NECTIN3: variants seen among roughly 807,000 people sequenced by gnomAD.
NECTIN3 encodes nectin-3.
A neutral mutation model predicts 49.4 loss-of-function variants in NECTIN3; 8 were observed. The observed-to-expected ratio is 0.16, with a 90% CI of 0.10 to 0.29. The LOEUF (loss-of-function observed/expected upper bound fraction) is 0.29, where lower values mean the gene tolerates loss of function less well. NECTIN3 is among the 10% of genes least tolerant of loss of function. NECTIN3 has a pLI of 1.00. For missense variants in NECTIN3, 581 were observed against 654.6 expected, an observed-to-expected ratio of 0.89 and a Z score of 1.23; for synonymous variants, 277 against 241.1, an observed-to-expected ratio of 1.15 and a Z score of -1.38.
intron 1 of NECTIN3, among the ~76,000 whole-genome samples, chr3:111,094,584 C>G (rs1183413539): frequency 6.6e-6 from 1 of 152,086 alleles, no homozygotes; most frequent in Non-Finnish European, 1.5e-5. Flanking sequence ...ATAAAGGATA[C>G]CAAGCACAAT....
intron 7 of NECTIN3, among the ~76,000 whole-genome samples, chr3:111,157,253 G>A (rs926752342): frequency 1.1e-4 from 16 of 152,166 alleles, no homozygotes; most frequent in Non-Finnish European, 1.6e-4. Context: ...ATTTACTAAT[G>A]TGTCACAACT....
chr3:111,182,016 G>C lies in NECTIN3; in HGVS notation c.1222-10335G>C, dbSNP rs888613979. ...CAAAGTTTCCTTTGAGCACTTCTTTGTTTGAAATTATGCAAACTTTGGCTT... is the reference window on the plus strand; with the variant it reads ...CAAAGTTTCCTTTGAGCACTTCTTTCTTTGAAATTATGCAAACTTTGGCTT... On this transcript the variant is annotated intron_variant, in intron 7 of 8. Coordinates refer to the NECTIN3 transcript ENST00000493615. Among the ~76,000 whole-genome samples the C allele has an allele frequency of 2.0e-5, 3 of 151,592 alleles. No individual in the cohort carries two copies. In the South Asian group the frequency reaches 6.3e-4, roughly 32 times the overall value.
intron 1 of NECTIN3, chr3:111,072,874 C>A: frequency 3.6e-6 from 1 of 279,424 alleles, no homozygotes; most frequent in South Asian, 3.8e-5. Context: ...GGACTGTGTG[C>A]CCCGGCTGTT....
At chr3:111,149,516 CTTTTCTGGTACG>C (rs1236064011) in intron 7 of NECTIN3, among the ~76,000 whole-genome samples, 7 of 140,520 alleles carry the variant, frequency 5.0e-5, no homozygotes, top group Non-Finnish European at 1.1e-4. Flanking sequence ...TGTAGAATCT[CTTTTCTGGTACG>C]TATTTTCCAC....
chr3:111,096,866 G>A (rs2032614862), intron 1 of NECTIN3, among the ~76,000 whole-genome samples: 1 of 152,220 alleles, frequency 6.6e-6, no homozygotes, highest in African/African-American at 2.4e-5. Flanking sequence ...TTGTTGCAGG[G>A]TTGGGGCCCT....
In NECTIN3 at chr3:111,168,780, C is replaced by T. The variant is rs533802652; in HGVS notation, c.1221+21296C>T. Among the ~76,000 whole-genome samples the T allele has an allele frequency of 5.3e-4, 80 of 152,308 alleles. 3 individuals are homozygous for T. The highest frequency in any genetic ancestry group is 2.9e-3 in the South Asian group (14 of 4,828). ...ACAGGTTTTCAAAGCTAATCACAATCGAGGATAGGAGCATGCCTTAATTAT... is the reference window on the plus strand; with the variant it reads ...ACAGGTTTTCAAAGCTAATCACAATTGAGGATAGGAGCATGCCTTAATTAT... On this transcript the variant is annotated intron_variant, in intron 7 of 8. Transcript: ENST00000493615.
chr3:111,090,566 G>C (rs1282028074), intron 1 of NECTIN3, among the ~76,000 whole-genome samples: 1 of 35,644 alleles, frequency 2.8e-5, no homozygotes, highest in African/African-American at 6.3e-5. Context: ...GTGTTTGCTT[G>C]TTTGTGTGTG....
chr3:111,174,880 A>C (rs972358257), intron 7 of NECTIN3, among the ~76,000 whole-genome samples: 1 of 152,176 alleles, frequency 6.6e-6, no homozygotes, highest in African/African-American at 2.4e-5. Flanking sequence ...GCAGAAGGCC[A>C]GTGTGACAAC....
At chr3:111,123,879 C>A (rs1453628050) in intron 4 of NECTIN3, among the ~76,000 whole-genome samples, 2 of 152,086 alleles carry the variant, frequency 1.3e-5, no homozygotes, top group Non-Finnish European at 2.9e-5. Context: ...TTTGAAGCAT[C>A]CCTGGGTTGA....
chr3:111,136,708 A>G lies in NECTIN3; in HGVS notation c.*2493A>G. The G allele has an allele frequency of 2.2e-6, 2 of 916,332 alleles. No homozygotes were observed. Among genetic ancestry groups the G allele is most frequent in the Non-Finnish European group, 2.6e-6 (2 of 767,472 alleles). The allele number at this position is 916,332 out of a possible 1,614,324, so 56.8% of individuals were successfully genotyped here. A position where few individuals can be genotyped will look rare whatever the true frequency, so the allele number is the denominator to read the frequency against. Reference sequence around the variant, plus strand: ...ATGAATATTTGTACTATTTTTGGCCATATTTATATTTATTTCTTTCATATG... The same window carrying G: ...ATGAATATTTGTACTATTTTTGGCCGTATTTATATTTATTTCTTTCATATG... On this transcript the variant is annotated 3_prime_UTR_variant, in exon 6 of 6. Transcript: ENST00000485303.
At chr3:111,162,943 G>A (rs140864013) in intron 7 of NECTIN3, among the ~76,000 whole-genome samples, 21 of 152,244 alleles carry the variant, frequency 1.4e-4, no homozygotes, top group African/African-American at 4.8e-4. Context: ...TTGCTGTATA[G>A]CAACCTAAAT....
At chr3:111,084,891 T>G (rs1014351937) in intron 1 of NECTIN3, among the ~76,000 whole-genome samples, 5 of 152,178 alleles carry the variant, frequency 3.3e-5, no homozygotes, top group Non-Finnish European at 7.4e-5. Flanking sequence ...CTGGATGGCT[T>G]AAAACAGCAT....
chr3:111,187,299 A>G (rs1230371112), intron 7 of NECTIN3, among the ~76,000 whole-genome samples: 3 of 152,164 alleles, frequency 2.0e-5, no homozygotes, highest in Non-Finnish European at 4.4e-5. Context: ...GCTACTTGGG[A>G]GGCTGAGGGA....
intron 1 of NECTIN3, among the ~76,000 whole-genome samples, chr3:111,104,615 C>T (rs2033088499): frequency 6.6e-6 from 1 of 151,908 alleles, no homozygotes; most frequent in Non-Finnish European, 1.5e-5. Flanking sequence ...GCCACTGCAC[C>T]CGACCTCTTT....
intron 5 of NECTIN3, among the ~76,000 whole-genome samples, chr3:111,132,050 T>G (rs1286207302): frequency 6.6e-6 from 1 of 151,896 alleles, no homozygotes; most frequent in African/African-American, 2.4e-5. Context: ...AGTCTATATT[T>G]TTAATGTTCT....
At chr3:111,183,084 C>T (rs1334531690) in intron 7 of NECTIN3, among the ~76,000 whole-genome samples, 1 of 151,806 alleles carries the variant, frequency 6.6e-6, no homozygotes, top group African/African-American at 2.4e-5. Context: ...ATATGCATTT[C>T]AATTTTTCCT....
chr3:111,118,374 T>C (rs559374795), intron 2 of NECTIN3, among the ~76,000 whole-genome samples: 11 of 150,018 alleles, frequency 7.3e-5, no homozygotes, highest in African/African-American at 1.2e-4. Context: ...TTTTTTTATA[T>C]ATTAAGTTGG....
At position 111,137,191 on chromosome 3, in the gene NECTIN3, A is replaced by G. The variant is rs979737563; in HGVS notation, c.*2976A>G. Reference sequence around the variant, plus strand: ...AAATACTGCTAAAACACAGTATATGAACAAGTAAGAAGTTTATGTATGAAA... The same window carrying G: ...AAATACTGCTAAAACACAGTATATGGACAAGTAAGAAGTTTATGTATGAAA... On this transcript the variant is annotated 3_prime_UTR_variant, in exon 6 of 6. Transcript: ENST00000485303. 7.6e-5 allele frequency: 71 copies of G among 935,300 alleles called. No homozygotes were observed. Among genetic ancestry groups the G allele is most frequent in the Non-Finnish European group, 8.5e-5 (67 of 784,628 alleles). 57.9% of individuals were successfully genotyped at this position (935,300 alleles called of 1,614,324 possible).
chr3:111,156,798 T>C (rs953455447), intron 7 of NECTIN3, among the ~76,000 whole-genome samples: 1 of 152,186 alleles, frequency 6.6e-6, no homozygotes, highest in Non-Finnish European at 1.5e-5. Context: ...TTTTCACCAC[T>C]GGCTAACTCT....
Sources: gnomAD v4.1 joint callset for allele counts (sites outside exome capture counted in the v4.1 genomes callset) on GRCh38, gnomAD v4.1.1 for gene constraint, MANE v1.5 for transcripts, NCBI Gene and HGNC (gene_info 2026-07-23, HGNC 2026-07-21) for gene names.